The following NXPE1 variants were observed in gnomAD, a reference collection of about 807,000 sequenced individuals.
NXPE1 encodes neurexophilin and PC-esterase domain family member 1.
In NXPE1, 31 loss-of-function variants were observed where a neutral mutation model predicts 33.3. The observed-to-expected ratio is 0.93, with a 90% CI of 0.70 to 1.26. The LOEUF (loss-of-function observed/expected upper bound fraction) is 1.26. NXPE1 is among the 50% of genes most tolerant of loss of function. The pLI is 0.00. For missense variants in NXPE1, 661 were observed against 655.6 expected, an observed-to-expected ratio of 1.01 and a Z score of -0.09; for synonymous variants, 229 against 231.4, an observed-to-expected ratio of 0.99 and a Z score of 0.09.
chr11:114,538,827 T>C (rs528939649), intron 5 of NXPE1, among the ~76,000 whole-genome samples: 136 of 152,128 alleles, frequency 8.9e-4, no homozygotes, highest in African/African-American at 3.0e-3. Flanking sequence ...CACTTTTACA[T>C]TGTTGGTGGG....
intron 5 of NXPE1, among the ~76,000 whole-genome samples, chr11:114,540,507 G>C (rs1948052109): frequency 6.6e-6 from 1 of 152,146 alleles, no homozygotes; most frequent in East Asian, 1.9e-4. Flanking sequence ...GAAACACTGA[G>C]AAATAACTAG....
Position 114,536,406 on chromosome 11 carries a change from A to C in NXPE1, c.100-5498T>G, listed in dbSNP as rs563182271. ...GCAAGAGCAAACATATTCAAAAGCT[A>C]GCAGAAGGCAAGAAATAACTAAGAT... On this transcript the variant is annotated intron_variant, in intron 5 of 8. Transcript: ENST00000534921. 2.6e-5 allele frequency among the ~76,000 whole-genome samples: 4 copies of C among 152,348 alleles called. No individual in the cohort carries two copies. In the East Asian group the frequency reaches 7.7e-4, roughly 29 times the overall value.
intron 1 of NXPE1, among the ~76,000 whole-genome samples, chr11:114,557,282 A>C (rs1271053427): frequency 6.6e-6 from 1 of 152,092 alleles, no homozygotes; most frequent in African/African-American, 2.4e-5. Context: ...CTACTTTAAT[A>C]ATTTCTACTC....
intron 8 of NXPE1, 78 bp from the exon 9 acceptor site, chr11:114,522,581 A>G (rs574271815): frequency 1.6e-6 from 2 of 1,248,248 alleles, no homozygotes; most frequent in East Asian, 2.5e-5. Flanking sequence ...TATCATTTAA[A>G]ATACCCACCC....
At chr11:114,558,455 A>G (rs978492989) in intron 1 of NXPE1, among the ~76,000 whole-genome samples, 1 of 152,022 alleles carries the variant, frequency 6.6e-6, no homozygotes, top group Non-Finnish European at 1.5e-5. Context: ...TGGATTTGTG[A>G]TATTTGCTTT....
chr11:114,528,031 T>G lies in NXPE1; in HGVS notation c.834-130A>C, dbSNP rs1217083099. 4 of 605,092 alleles carry G rather than the reference T, an allele frequency of 6.6e-6. No individual in the cohort carries two copies. The East Asian group carries it at 1.2e-4, about 17-fold the overall frequency. The allele number at this position is 605,092 out of a possible 1,614,324, so 37.5% of individuals were successfully genotyped here. A position where few individuals can be genotyped will look rare whatever the true frequency, so the allele number is the denominator to read the frequency against. On this transcript the variant is annotated intron_variant, in intron 6 of 8. Coordinates refer to ENST00000534921, the Ensembl canonical transcript of NXPE1. ...GGAAGCTGTTATTATTGTTGTAAAT[T>G]TTAGATATATTGGGTATTGTAAATG...
rs1234209376 is a variant in NXPE1, at chr11:114,522,575, A to ATTCTT, written c.1109-73_1109-72insAAGAA. ...TATTCATGAAAAAGAATGTCCTATC[A>ATTCTT]TTTAAAATACCCACCCTACCTAGAT... On this transcript the variant is annotated intron_variant, in intron 8 of 8. Coordinates refer to ENST00000534921, the Ensembl canonical transcript of NXPE1. 8.5e-6 allele frequency: 11 copies of ATTCTT among 1,300,312 alleles called. No homozygotes were observed. The East Asian group carries it at 2.7e-4, about 32-fold the overall frequency. The allele number at this position is 1,300,312 out of a possible 1,614,324, so 80.5% of individuals were successfully genotyped here.
At chr11:114,541,046 A>G (rs987804680) in intron 5 of NXPE1, among the ~76,000 whole-genome samples, 1 of 151,670 alleles carries the variant, frequency 6.6e-6, no homozygotes, top group Non-Finnish European at 1.5e-5. Context: ...GTAGACCCAA[A>G]GCAATCTGCA....
chr11:114,523,214 T>C, intron 7 of NXPE1, 123 bp from the exon 8 acceptor site: 1 of 676,852 alleles, frequency 1.5e-6, no homozygotes, highest in South Asian at 1.9e-5. Context: ...CCTTTTTCTG[T>C]CCCTTTCTAG....
At chr11:114,522,574 C>A in intron 8 of NXPE1, 71 bp from the exon 9 acceptor site, 45 of 1,301,858 alleles carry the variant, frequency 3.5e-5, no homozygotes, top group Non-Finnish European at 4.7e-5. Flanking sequence ...AATGTCCTAT[C>A]ATTTAAAATA....
intron 5 of NXPE1, among the ~76,000 whole-genome samples, chr11:114,546,059 T>C (rs1016377852): frequency 6.6e-6 from 1 of 152,172 alleles, no homozygotes; most frequent in African/African-American, 2.4e-5. Context: ...TAGAACACAG[T>C]GTTTTAACTG....
At chr11:114,542,021 T>C (rs1401480304) in intron 5 of NXPE1, among the ~76,000 whole-genome samples, 1 of 152,224 alleles carries the variant, frequency 6.6e-6, no homozygotes, top group Non-Finnish European at 1.5e-5. Context: ...ACTATGGCTG[T>C]GGCTATATCA....
downstream of NXPE1, among the ~76,000 whole-genome samples, chr11:114,519,226 C>CA (rs1413755115): frequency 9.1e-4 from 126 of 138,282 alleles, no homozygotes; most frequent in African/African-American, 3.9e-3. Flanking sequence ...TGCTTTCCCC[C>CA]CGTTTGGCAA....
chr11:114,537,237 A>C (rs990227203), intron 5 of NXPE1, among the ~76,000 whole-genome samples: 1 of 152,216 alleles, frequency 6.6e-6, no homozygotes, highest in African/African-American at 2.4e-5. Context: ...ACAACCCTTC[A>C]TGCTAAAAAC....
At chr11:114,539,773 T>C (rs1402170554) in intron 5 of NXPE1, among the ~76,000 whole-genome samples, 1 of 152,080 alleles carries the variant, frequency 6.6e-6, no homozygotes, top group Non-Finnish European at 1.5e-5. Flanking sequence ...ATCAGTCAAA[T>C]AAACCAATCA....
intron 5 of NXPE1, among the ~76,000 whole-genome samples, chr11:114,549,210 C>G (rs1948383593): frequency 6.6e-6 from 1 of 151,924 alleles, no homozygotes; most frequent in Non-Finnish European, 1.5e-5. Context: ...CCCAATATTA[C>G]TTAAATAAGT....
At chr11:114,530,866 T>G (rs918724793) in exon 6 of NXPE1, 13 of 1,613,540 alleles carry the variant, frequency 8.1e-6, no homozygotes, top group Non-Finnish European at 1.1e-5. Flanking sequence ...GCGGAGTTGT[T>G]CCAGTAATGG....
At chr11:114,522,128 C>A (rs1304409340) in exon 9 of NXPE1, 3 of 1,613,880 alleles carry the variant, frequency 1.9e-6, no homozygotes, top group African/African-American at 1.3e-5. Flanking sequence ...GTGAATATAA[C>A]CATGGAAGTC....
chr11:114,527,956 G>T, intron 6 of NXPE1, 55 bp from the exon 7 acceptor site: 4 of 1,348,250 alleles, frequency 3.0e-6, no homozygotes, highest in Non-Finnish European at 4.2e-6. Flanking sequence ...ATGTAACACA[G>T]GTGAATCATC....
Sources: allele counts gnomAD v4.1 joint callset (sites outside exome capture counted in the v4.1 genomes callset), GRCh38; gene constraint gnomAD v4.1.1; transcripts MANE v1.5; gene names NCBI Gene and HGNC (gene_info 2026-07-23, HGNC 2026-07-21).